CHST9: variants seen among roughly 807,000 people sequenced by gnomAD.
CHST9 encodes the protein GalNAc-4-sulfotransferase 2.
CHST9 carries 41 observed loss-of-function variants against 44.4 expected under a neutral mutation model. That is an observed-to-expected ratio of 0.92 (90% confidence interval 0.72 to 1.20). The LOEUF is 1.20. Ranked by LOEUF, CHST9 falls within the 50% of genes most tolerant of loss-of-function variation. The probability of loss-of-function intolerance (pLI) is 0.00; values close to 1 mark genes in which losing one functional copy is unlikely to be tolerated. For missense variants in CHST9, 504 were observed against 516.5 expected (o/e 0.98, Z 0.23); for synonymous variants, 171 against 178.4 (o/e 0.96, Z 0.33).
intron 2 of CHST9, among the ~76,000 whole-genome samples, chr18:27,117,920 A>G (rs1450886309): frequency 6.6e-6 from 1 of 152,214 alleles, no homozygotes; most frequent in Admixed American, 6.5e-5. Flanking sequence ...AAGGAGCATG[A>G]TTGCTGTATC....
chr18:27,083,715 GAAC>G (rs2057982091), intron 2 of CHST9, among the ~76,000 whole-genome samples: 1 of 152,048 alleles, frequency 6.6e-6, no homozygotes, highest in Non-Finnish European at 1.5e-5. Context: ...CAGATGCCTA[GAAC>G]TCTTGGAACA....
At chr18:27,000,342 A>G (rs1466881014) in intron 4 of CHST9, among the ~76,000 whole-genome samples, 1 of 152,248 alleles carries the variant, frequency 6.6e-6, no homozygotes, top group African/African-American at 2.4e-5. Flanking sequence ...ATAGACATAG[A>G]ATAGTCTTTC....
chr18:27,015,355 G>A (rs2057140050), intron 4 of CHST9, among the ~76,000 whole-genome samples: 1 of 151,404 alleles, frequency 6.6e-6, no homozygotes, highest in Non-Finnish European at 1.5e-5. Context: ...GTGTGTGTGT[G>A]TGTGCAGGCA....
chr18:27,157,558 T>G (rs938519621), intron 1 of CHST9, among the ~76,000 whole-genome samples: 5 of 152,142 alleles, frequency 3.3e-5, no homozygotes, highest in Middle Eastern at 3.2e-3. Flanking sequence ...TCCAGAAATC[T>G]TGGTTTAGAA....
At chr18:27,033,513 T>A (rs777023360) in intron 3 of CHST9, among the ~76,000 whole-genome samples, 25 of 152,236 alleles carry the variant, frequency 1.6e-4, no homozygotes, top group Non-Finnish European at 3.1e-4. Flanking sequence ...CTACTTCTGA[T>A]AAAATGATGC....
At chr18:27,109,156 A>C (rs1053255355) in intron 2 of CHST9, among the ~76,000 whole-genome samples, 3 of 152,220 alleles carry the variant, frequency 2.0e-5, no homozygotes, top group African/African-American at 7.2e-5. Flanking sequence ...ACTTATGTAG[A>C]AAATAAGCAA....
intron 2 of CHST9, among the ~76,000 whole-genome samples, chr18:27,123,340 C>T (rs2058391374): frequency 6.6e-6 from 1 of 152,160 alleles, no homozygotes; most frequent in African/African-American, 2.4e-5. Context: ...AGAGCTGGTG[C>T]CCTGTAATAC....
At chr18:27,032,898 C>T (rs1298957650) in intron 3 of CHST9, among the ~76,000 whole-genome samples, 2 of 152,236 alleles carry the variant, frequency 1.3e-5, no homozygotes, top group Non-Finnish European at 2.9e-5. Flanking sequence ...TTACCCTTTA[C>T]ACTTGACTTC....
At chr18:26,968,123 T>C (rs1282724244) in intron 4 of CHST9, among the ~76,000 whole-genome samples, 1 of 152,222 alleles carries the variant, frequency 6.6e-6, no homozygotes, top group African/African-American at 2.4e-5. Flanking sequence ...GGACTTCACC[T>C]TGTGGTCCTG....
chr18:26,972,813 T>C (rs1003181834), intron 4 of CHST9, among the ~76,000 whole-genome samples: 3 of 152,174 alleles, frequency 2.0e-5, no homozygotes, highest in Non-Finnish European at 4.4e-5. Flanking sequence ...CGGGCTCTGA[T>C]ACCAGATTTC....
chr18:26,928,756 T>C (rs912198970), intron 5 of CHST9, among the ~76,000 whole-genome samples: 2 of 152,146 alleles, frequency 1.3e-5, no homozygotes, highest in Non-Finnish European at 2.9e-5. Flanking sequence ...CAGCTGTGGT[T>C]AAAGGTTTCT....
At chr18:27,087,718 C>A (rs759798996) in intron 2 of CHST9, among the ~76,000 whole-genome samples, 1 of 152,176 alleles carries the variant, frequency 6.6e-6, no homozygotes, top group Non-Finnish European at 1.5e-5. Flanking sequence ...ATCTAATAAC[C>A]TTATTAGCTA....
intron 4 of CHST9, among the ~76,000 whole-genome samples, chr18:26,993,009 A>G (rs2056842713): frequency 6.6e-6 from 1 of 152,200 alleles, no homozygotes; most frequent in South Asian, 2.1e-4. Context: ...ACTTAAACAC[A>G]TCTCATAACT....
chr18:27,119,772 C>T (rs2058359098), intron 2 of CHST9, among the ~76,000 whole-genome samples: 1 of 151,326 alleles, frequency 6.6e-6, no homozygotes, highest in Admixed American at 6.6e-5. Flanking sequence ...TCCTTAAGCA[C>T]TTATTCTAGG....
At chr18:27,002,138 T>G (rs2056960934) in intron 4 of CHST9, among the ~76,000 whole-genome samples, 1 of 151,898 alleles carries the variant, frequency 6.6e-6, no homozygotes, top group Non-Finnish European at 1.5e-5. Flanking sequence ...GACCCACAGC[T>G]TGAGAAACAA....
At chr18:27,055,073 G>C (rs1394348677) in intron 2 of CHST9, among the ~76,000 whole-genome samples, 1 of 151,930 alleles carries the variant, frequency 6.6e-6, no homozygotes, top group Non-Finnish European at 1.5e-5. Flanking sequence ...TTCACTTTCA[G>C]GCATTTTATC....
chr18:27,151,567 T>C (rs999025887), intron 1 of CHST9, among the ~76,000 whole-genome samples: 1 of 152,164 alleles, frequency 6.6e-6, no homozygotes, highest in Non-Finnish European at 1.5e-5. Context: ...CAACTTAATA[T>C]AGGGAGATCA....
At chr18:26,937,773 C>A (rs1279198772) in intron 5 of CHST9, among the ~76,000 whole-genome samples, 4 of 152,142 alleles carry the variant, frequency 2.6e-5, no homozygotes, top group Admixed American at 2.0e-4. Flanking sequence ...TAAAATTTAG[C>A]ATAATGCCTA....
chr18:27,073,250 T>C (rs1480239961), intron 2 of CHST9, among the ~76,000 whole-genome samples: 1 of 152,084 alleles, frequency 6.6e-6, no homozygotes, highest in East Asian at 1.9e-4. Flanking sequence ...GGCATTGCTA[T>C]GACTGCTTAA....
Sources: allele counts gnomAD v4.1 joint callset (sites outside exome capture counted in the v4.1 genomes callset), GRCh38; gene constraint gnomAD v4.1.1; transcripts MANE v1.5; gene names NCBI Gene and HGNC (gene_info 2026-07-23, HGNC 2026-07-21).